The following DSCAM variants were observed in gnomAD, a reference collection of about 807,000 sequenced individuals.
DSCAM encodes the protein DS cell adhesion molecule, also known as cell adhesion molecule DSCAM.
A neutral mutation model predicts 217.7 loss-of-function variants in DSCAM; 47 were observed. The ratio of observed to expected loss-of-function variants is 0.22; its 90% confidence interval spans 0.17 to 0.28. The LOEUF is 0.28. DSCAM is among the 10% of genes least tolerant of loss of function. The probability of loss-of-function intolerance (pLI) is 1.00; values close to 1 mark genes in which losing one functional copy is unlikely to be tolerated. For missense variants in DSCAM, 2,080 were observed against 2,618.3 expected (o/e 0.79, Z 4.49); for synonymous variants, 1,056 against 1,015.3 (o/e 1.04, Z -0.76).
At chr21:40,769,595 G>A (rs1299084275) in intron 1 of DSCAM, among the ~76,000 whole-genome samples, 1 of 152,176 alleles carries the variant, frequency 6.6e-6, no homozygotes, top group Non-Finnish European at 1.5e-5. Flanking sequence ...TCTGCCAAGA[G>A]TCTTGTGCTT....
At chr21:40,529,682 G>A (rs1255700031) in intron 3 of DSCAM, among the ~76,000 whole-genome samples, 1 of 152,096 alleles carries the variant, frequency 6.6e-6, no homozygotes. Flanking sequence ...TTCCATATAA[G>A]AATGTTCCAG....
At position 40,013,094 on chromosome 21, in the gene DSCAM, G is replaced by C. The variant is rs190494751; in HGVS notation, c.5979C>G (p.Leu1993=). The change falls in exon 33 of 33, where the codon CTC becomes CTG. Residue 1993 remains leucine (L), a synonymous_variant. Transcript: ENST00000400454. ...AKMSSSQESL[L]DSRGHLKGNN... ...TTCCTTTCAAATGGCCCCGGGAGTC[G>C]AGCAGTGATTCTTGGGAGCTGCTCA... The C allele has an allele frequency of 1.3e-6, 2 of 1,593,022 alleles. No individual in the cohort carries two copies. The highest frequency in any genetic ancestry group is 1.3e-5 in the African/African-American group (1 of 74,558).
At chr21:40,277,879 A>AAG (rs1267479671) in intron 10 of DSCAM, among the ~76,000 whole-genome samples, 1 of 151,452 alleles carries the variant, frequency 6.6e-6, no homozygotes, top group African/African-American at 2.4e-5. Context: ...AAAAAAAAAA[A>AAG]AAAAGAAAAA....
intron 3 of DSCAM, among the ~76,000 whole-genome samples, chr21:40,431,430 T>C (rs2075530758): frequency 6.7e-6 from 1 of 149,384 alleles, no homozygotes; most frequent in Admixed American, 6.6e-5. Flanking sequence ...AACTACTCAA[T>C]GTGAAGACGA....
At chr21:40,322,793 G>A (rs1163372862) in intron 8 of DSCAM, among the ~76,000 whole-genome samples, 2 of 152,178 alleles carry the variant, frequency 1.3e-5, no homozygotes, top group Non-Finnish European at 1.5e-5. Flanking sequence ...CCAAAGTGCT[G>A]GGATTACAGG....
intron 1 of DSCAM, among the ~76,000 whole-genome samples, chr21:40,826,797 G>C (rs1447978689): frequency 6.6e-6 from 1 of 152,190 alleles, no homozygotes; most frequent in Non-Finnish European, 1.5e-5. Context: ...CTCCTTCAGA[G>C]AGTTTAAATG....
At chr21:40,694,742 G>A (rs1383603330) in intron 2 of DSCAM, among the ~76,000 whole-genome samples, 1 of 151,994 alleles carries the variant, frequency 6.6e-6, no homozygotes, top group African/African-American at 2.4e-5. Context: ...GGGCGCCCAA[G>A]AGACTGACCT....
chr21:40,183,234 A>G (rs2090857014), intron 14 of DSCAM, among the ~76,000 whole-genome samples: 1 of 152,194 alleles, frequency 6.6e-6, no homozygotes, highest in African/African-American at 2.4e-5. Context: ...CAAACTGCAG[A>G]CGAATCTGCT....
At chr21:40,207,147 GTAT>G (rs1183477242) in intron 11 of DSCAM, among the ~76,000 whole-genome samples, 1 of 151,934 alleles carries the variant, frequency 6.6e-6, no homozygotes, top group African/African-American at 2.4e-5. Flanking sequence ...TAGTAAAAAA[GTAT>G]TATTATGCAA....
chr21:40,578,458 A>G (rs113258472), intron 3 of DSCAM, among the ~76,000 whole-genome samples: 6 of 52,152 alleles, frequency 1.2e-4, no homozygotes, highest in Non-Finnish European at 1.6e-4. Context: ...ACCAATCAGC[A>G]CTCTGTAAAA....
rs953925331 is a variant in DSCAM, at chr21:40,292,924, G to A, written c.2182+3131C>T. 1.3e-5 allele frequency among the ~76,000 whole-genome samples: 2 copies of A among 152,058 alleles called. 1 individual carries two copies. Among genetic ancestry groups the A allele is most frequent in the Non-Finnish European group, 2.9e-5 (2 of 68,008 alleles). On this transcript the variant is annotated intron_variant, in intron 10 of 32. Coordinates refer to ENST00000400454, the MANE Select transcript of DSCAM (RefSeq NM_001389.5). Reference sequence around the variant, plus strand: ...CTAATTTTTTTGCATTTTTAGTAGAGACGGGGTTTCACCGTGTTAGCCAGG... The same window carrying A: ...CTAATTTTTTTGCATTTTTAGTAGAAACGGGGTTTCACCGTGTTAGCCAGG...
At chr21:40,518,492 TTA>T (rs1395155721) in intron 3 of DSCAM, among the ~76,000 whole-genome samples, 2 of 19,378 alleles carry the variant, frequency 1.0e-4, no homozygotes, top group African/African-American at 7.7e-4. Context: ...TATATATATA[TTA>T]TATATTATAT....
intron 3 of DSCAM, among the ~76,000 whole-genome samples, chr21:40,683,104 C>G (rs2090432630): frequency 6.6e-6 from 1 of 152,152 alleles, no homozygotes; most frequent in African/African-American, 2.4e-5. Context: ...TGATCTCAAT[C>G]TTCTAGGCTC....
chr21:40,110,695 A>C (rs1705540017), intron 20 of DSCAM, among the ~76,000 whole-genome samples: 1 of 152,216 alleles, frequency 6.6e-6, no homozygotes, highest in Admixed American at 6.5e-5. Context: ...GCTAACTAGA[A>C]TAACCAATGC....
At chr21:40,741,106 GA>G (rs2091119176) in intron 1 of DSCAM, among the ~76,000 whole-genome samples, 1 of 152,150 alleles carries the variant, frequency 6.6e-6, no homozygotes, top group Admixed American at 6.6e-5. Flanking sequence ...AAAGTGACTG[GA>G]AATGGAGAAA....
chr21:40,588,977 T>G (rs1463972581), intron 3 of DSCAM, among the ~76,000 whole-genome samples: 1 of 152,230 alleles, frequency 6.6e-6, no homozygotes, highest in African/African-American at 2.4e-5. Context: ...AATTAGGAAC[T>G]CAAACTGTAT....
intron 3 of DSCAM, among the ~76,000 whole-genome samples, chr21:40,662,120 G>A (rs2090144735): frequency 1.8e-5 from 1 of 55,882 alleles, no homozygotes; most frequent in African/African-American, 3.1e-5. Context: ...ACATTACGTT[G>A]TTAAAACAAA....
At chr21:40,640,522 C>T (rs2089864959) in intron 3 of DSCAM, among the ~76,000 whole-genome samples, 1 of 152,076 alleles carries the variant, frequency 6.6e-6, no homozygotes, top group African/African-American at 2.4e-5. Flanking sequence ...TAAAAATGTT[C>T]CAGAGAAAGC....
At chr21:40,575,280 TA>T (rs901892681) in intron 3 of DSCAM, among the ~76,000 whole-genome samples, 1 of 151,108 alleles carries the variant, frequency 6.6e-6, no homozygotes, top group Non-Finnish European at 1.5e-5. Flanking sequence ...CCAAATCTTA[TA>T]AAACAGTCCC....
Sources: allele counts gnomAD v4.1 joint callset (sites outside exome capture counted in the v4.1 genomes callset), GRCh38; gene constraint gnomAD v4.1.1; transcripts MANE v1.5; gene names NCBI Gene and HGNC (gene_info 2026-07-23, HGNC 2026-07-21).